Variants in METAP1 observed in about 807,000 individuals in gnomAD.
METAP1 encodes methionine aminopeptidase 1.
A neutral mutation model predicts 53.8 loss-of-function variants in METAP1; 28 were observed. The ratio of observed to expected loss-of-function variants is 0.52; its 90% CI spans 0.39 to 0.71. The LOEUF is 0.71. Ranked by LOEUF, METAP1 falls within the 30% of genes least tolerant of loss-of-function variation. METAP1 has a pLI of 0.00. For missense variants in METAP1, 389 were observed against 479.8 expected, an observed-to-expected ratio of 0.81 and a Z score of 1.77; for synonymous variants, 181 against 165.7, an observed-to-expected ratio of 1.09 and a Z score of -0.71.
chr4:99,031,815 G>C (rs1725057050), intron 2 of METAP1, among the ~76,000 whole-genome samples: 1 of 152,152 alleles, frequency 6.6e-6, no homozygotes, highest in Non-Finnish European at 1.5e-5. Flanking sequence ...AAAGAATAAA[G>C]CCTGACTGTG....
At chr4:99,031,396 A>T in intron 2 of METAP1, 1 of 1,225,512 alleles carries the variant, frequency 8.2e-7, no homozygotes. Flanking sequence ...AAGTATCTTG[A>T]ATAGCCAAAA....
At chr4:99,025,518 CTATT>C in intron 1 of METAP1, 1 of 925,644 alleles carries the variant, frequency 1.1e-6, no homozygotes, top group Non-Finnish European at 1.3e-6. Flanking sequence ...AATAACATGG[CTATT>C]TATTTGTAAA....
chr4:99,011,212 G>A (rs190734357), intron 1 of METAP1, among the ~76,000 whole-genome samples: 16 of 152,250 alleles, frequency 1.1e-4, no homozygotes, highest in Admixed American at 7.2e-4. Flanking sequence ...GAAGTGATGA[G>A]AGCTGGCATC....
intron 1 of METAP1, among the ~76,000 whole-genome samples, chr4:99,019,878 C>T (rs1723982750): frequency 6.6e-6 from 1 of 152,146 alleles, no homozygotes; most frequent in African/African-American, 2.4e-5. Context: ...TTATCTGCTC[C>T]CTTAGTCTAA....
At position 99,048,871 on chromosome 4, in the gene METAP1, A is replaced by G; in HGVS notation, c.926A>G (p.Tyr309Cys). 1.2e-6 allele frequency: 2 copies of G among 1,613,916 alleles called. No homozygotes were observed. The highest frequency in any genetic ancestry group is 1.1e-5 in the South Asian group (1 of 91,062). The change falls in exon 9 of 11, where the codon TAT becomes TGT. Residue 309 changes from tyrosine (Y) to cysteine (C), a missense_variant. Tyr to Cys is a radical substitution (Grantham distance 194). Transcript: ENST00000296411. ...CATACAGCTCCCAATGTACCCCACT[A>G]TGCTAGTAAGTACTATCCAGAGATT... ...LFHTAPNVPHYAKNKAVGVMK... is the reference protein window; with the variant it reads ...LFHTAPNVPHCAKNKAVGVMK...
chr4:99,022,103 T>C (rs747635387), intron 1 of METAP1, among the ~76,000 whole-genome samples: 1 of 152,184 alleles, frequency 6.6e-6, no homozygotes, highest in Non-Finnish European at 1.5e-5. Flanking sequence ...ATAATCATGC[T>C]AGTATGACAG....
chr4:99,045,639 C>T (rs1560728840), intron 8 of METAP1, among the ~76,000 whole-genome samples: 1 of 152,032 alleles, frequency 6.6e-6, no homozygotes, highest in African/African-American at 2.4e-5. Flanking sequence ...ATATTATGTT[C>T]TCCTCATAAA....
chr4:99,050,821 C>G (rs1726639139), intron 9 of METAP1, among the ~76,000 whole-genome samples: 1 of 152,110 alleles, frequency 6.6e-6, no homozygotes, highest in Admixed American at 6.5e-5. Flanking sequence ...AAGGCTTGTA[C>G]CCTCAAAATC....
At position 99,061,396 on chromosome 4, in the gene METAP1, C is replaced by CT; in HGVS notation, c.*86dup. On this transcript the variant is annotated 3_prime_UTR_variant, in exon 11 of 11. Transcript: ENST00000296411. ...TGAGAGTACAGAAAGGAAGAGGAAC[C>CT]TTTTTTTAATCACTTGTTTTGTTTT... 1 of 1,329,214 alleles carries CT rather than the reference C, an allele frequency of 7.5e-7. No homozygotes were observed. The highest frequency in any genetic ancestry group is 1.0e-6 in the Non-Finnish European group (1 of 976,076). 82.3% of individuals were successfully genotyped at this position (1,329,214 alleles called of 1,614,324 possible). A position where few individuals can be genotyped will look rare whatever the true frequency, so the allele number is the denominator to read the frequency against.
chr4:99,035,732 A>G (rs983709563), intron 4 of METAP1, among the ~76,000 whole-genome samples: 2 of 149,836 alleles, frequency 1.3e-5, no homozygotes, highest in African/African-American at 4.8e-5. Flanking sequence ...TTACTAAAAA[A>G]CAGTTTTTAA....
chr4:99,019,442 C>A (rs1326415207), intron 1 of METAP1, among the ~76,000 whole-genome samples: 1 of 152,190 alleles, frequency 6.6e-6, no homozygotes, highest in African/African-American at 2.4e-5. Flanking sequence ...TGTTTTTCCA[C>A]ATTTATAATA....
intron 1 of METAP1, among the ~76,000 whole-genome samples, chr4:98,996,364 G>A (rs1327680413): frequency 6.6e-6 from 1 of 152,226 alleles, no homozygotes; most frequent in African/African-American, 2.4e-5. Flanking sequence ...GCTACCTGCC[G>A]GGCTCTGAGA....
chr4:99,058,496 G>A (rs1727308962), intron 10 of METAP1, among the ~76,000 whole-genome samples: 1 of 152,070 alleles, frequency 6.6e-6, no homozygotes, highest in Non-Finnish European at 1.5e-5. Context: ...TTGTAGCAGT[G>A]ATAGGAGACT....
chr4:99,034,195 C>G, intron 2 of METAP1, 35 bp from the exon 3 acceptor site: 3 of 1,262,152 alleles, frequency 2.4e-6, no homozygotes, highest in Non-Finnish European at 3.4e-6. Flanking sequence ...CCTCCTTCTC[C>G]TCCTTCCTCT....
intron 10 of METAP1, 80 bp downstream of exon 10, chr4:99,057,898 C>G: frequency 1.6e-6 from 2 of 1,259,188 alleles, no homozygotes; most frequent in South Asian, 1.4e-5. Context: ...GTGGTCTTTT[C>G]TACCTGCTTG....
At chr4:98,995,981 C>T (rs567314199) in intron 1 of METAP1, 114 bp downstream of exon 1, 4 of 841,148 alleles carry the variant, frequency 4.8e-6, no homozygotes, top group African/African-American at 3.5e-5. Flanking sequence ...CCTCTTCCCC[C>T]CGGCCGCGTT....
intron 1 of METAP1, among the ~76,000 whole-genome samples, chr4:99,004,478 CACACAT>C (rs750000504): frequency 0.12 from 2,365 of 19,778 alleles, 19 homozygotes; most frequent in Non-Finnish European, 0.17. Flanking sequence ...CACACACACA[CACACAT>C]ACACACACAC....
chr4:99,043,642 A>G (rs1001803813), intron 7 of METAP1, among the ~76,000 whole-genome samples: 17 of 152,308 alleles, frequency 1.1e-4, no homozygotes, highest in African/African-American at 3.6e-4. Context: ...TGATTGGTAA[A>G]TAGGTCAAAG....
At chr4:99,005,413 A>G (rs1209014099) in intron 1 of METAP1, among the ~76,000 whole-genome samples, 1 of 152,264 alleles carries the variant, frequency 6.6e-6, no homozygotes, top group Non-Finnish European at 1.5e-5. Flanking sequence ...GGGAAATGCA[A>G]ATTAAAACCA....
Sources: allele counts gnomAD v4.1 joint callset (sites outside exome capture counted in the v4.1 genomes callset), GRCh38; gene constraint gnomAD v4.1.1; transcripts MANE v1.5; gene names NCBI Gene and HGNC (gene_info 2026-07-23, HGNC 2026-07-21).